The following RDX variants were observed in gnomAD, a reference collection of about 807,000 sequenced individuals.
The protein encoded by RDX is deafness, autosomal recessive 24.
In RDX, 32 loss-of-function variants were observed where a neutral mutation model predicts 83.7. The observed-to-expected ratio is 0.38, with a 90% CI of 0.29 to 0.51. The LOEUF (loss-of-function observed/expected upper bound fraction) is 0.51. Among genes scored for constraint, RDX ranks in the 20% least tolerant of loss-of-function variants. The pLI, the probability that RDX is intolerant of heterozygous loss-of-function variation, is 0.87. For missense variants in RDX, 600 were observed against 689.9 expected, an observed-to-expected ratio of 0.87 and a Z score of 1.46; for synonymous variants, 229 against 222.7, an observed-to-expected ratio of 1.03 and a Z score of -0.25.
At chr11:110,294,842 G>A (rs1420009396) in intron 1 of RDX, among the ~76,000 whole-genome samples, 5 of 152,174 alleles carry the variant, frequency 3.3e-5, no homozygotes, top group African/African-American at 4.8e-5. Flanking sequence ...ATACAGGAGT[G>A]AACAAAACAT....
Position 110,295,642 on chromosome 11 carries a change from G to GAAAAAA in RDX, c.-65+819_-65+824dup, listed in dbSNP as rs370760081. The stretch of plus-strand genomic sequence containing the variant: ...GGAAGTGATGTAGTCTGTTTAAACT[G>GAAAAAA]AAAAAAAAAAAAAAACAAAAATGCA... On this transcript the variant is annotated intron_variant, in intron 1 of 13. Coordinates refer to ENST00000645495, the MANE Select transcript of RDX (RefSeq NM_002906.4). Among the ~76,000 whole-genome samples the GAAAAAA allele has an allele frequency of 4.2e-3, 518 of 122,188 alleles. 6 individuals are homozygous for GAAAAAA. Among genetic ancestry groups the GAAAAAA allele is most frequent in the African/African-American group, 0.015 (473 of 31,718 alleles). The allele number at this position is 122,188 out of a possible 152,430, so 80.2% of individuals were successfully genotyped here.
intron 14 of RDX, among the ~76,000 whole-genome samples, chr11:110,203,540 T>G (rs986200597): frequency 2.0e-5 from 3 of 152,046 alleles, no homozygotes; most frequent in Admixed American, 2.0e-4. Context: ...TTAGATTATT[T>G]GTAACACAAA....
At chr11:110,279,551 A>G in intron 2 of RDX, 130 bp downstream of exon 2, 1 of 678,430 alleles carries the variant, frequency 1.5e-6, no homozygotes, top group East Asian at 2.6e-5. Context: ...CATTAATCTA[A>G]AGAGAAATAA....
At chr11:110,290,087 T>C (rs1861173846) in intron 1 of RDX, among the ~76,000 whole-genome samples, 1 of 151,474 alleles carries the variant, frequency 6.6e-6, no homozygotes. Flanking sequence ...ATTAAAAGAT[T>C]ATCAGTCAAT....
intron 14 of RDX, among the ~76,000 whole-genome samples, chr11:110,203,785 G>A (rs1474256747): frequency 5.9e-5 from 9 of 151,898 alleles, no homozygotes; most frequent in Non-Finnish European, 1.3e-4. Flanking sequence ...CAGAAATTGC[G>A]TTTAATAAAT....
chr11:110,295,815 G>A (rs1308936241), intron 1 of RDX, among the ~76,000 whole-genome samples: 2 of 152,244 alleles, frequency 1.3e-5, no homozygotes, highest in Non-Finnish European at 2.9e-5. Flanking sequence ...GGCTCCGAGA[G>A]CTGCAACAGC....
intron 15 of RDX, among the ~76,000 whole-genome samples, chr11:110,186,840 C>T (rs941364595): frequency 2.0e-5 from 3 of 152,218 alleles, no homozygotes; most frequent in Admixed American, 2.0e-4. Context: ...CAGGCTCATA[C>T]AAAGTCAGTC....
chr11:110,292,293 G>C, intron 1 of RDX, among the ~76,000 whole-genome samples: 1 of 147,340 alleles, frequency 6.8e-6, no homozygotes, highest in African/African-American at 2.6e-5. Context: ...ACCCTGTCTT[G>C]GAAAAAAAAA....
chr11:110,184,448 C>T (rs1862947052), intron 15 of RDX, among the ~76,000 whole-genome samples: 1 of 152,172 alleles, frequency 6.6e-6, no homozygotes, highest in Non-Finnish European at 1.5e-5. Flanking sequence ...GAACAAGATG[C>T]CCCCAAATGA....
chr11:110,237,909 C>T (rs1448646522), intron 10 of RDX: 27 of 481,898 alleles, frequency 5.6e-5, no homozygotes, highest in Non-Finnish European at 9.7e-5. Flanking sequence ...GTAGCTAGGA[C>T]TACAGGCGCT....
chr11:110,192,186 G>C (rs2134227556), intron 15 of RDX, among the ~76,000 whole-genome samples: 1 of 152,246 alleles, frequency 6.6e-6, no homozygotes, highest in Middle Eastern at 3.4e-3. Flanking sequence ...CATAGAAACA[G>C]ACACACAGAC....
At chr11:110,251,102 C>T (rs540425889) in intron 9 of RDX, among the ~76,000 whole-genome samples, 18 of 152,330 alleles carry the variant, frequency 1.2e-4, no homozygotes, top group African/African-American at 4.3e-4. Context: ...TTCAGTCCCA[C>T]TTTCCTCATG....
chr11:110,225,264 T>A (rs1294748993), downstream of RDX, among the ~76,000 whole-genome samples: 2 of 152,190 alleles, frequency 1.3e-5, no homozygotes, highest in African/African-American at 4.8e-5. Flanking sequence ...TAAAAACTTT[T>A]GTGCATCAAA....
At chr11:110,205,586 A>G (rs1863573711) in intron 14 of RDX, among the ~76,000 whole-genome samples, 2 of 152,026 alleles carry the variant, frequency 1.3e-5, no homozygotes, top group South Asian at 4.1e-4. Context: ...ACAATCTAAT[A>G]AAAAACAGGC....
chr11:110,223,168 T>C (rs181699855), intron 14 of RDX, among the ~76,000 whole-genome samples: 29 of 151,938 alleles, frequency 1.9e-4, no homozygotes, highest in African/African-American at 6.5e-4. Context: ...CTGGCCAGCA[T>C]GGTGAAACCC....
chr11:110,257,271 G>C (rs991674494), intron 7 of RDX, among the ~76,000 whole-genome samples: 1 of 151,628 alleles, frequency 6.6e-6, no homozygotes, highest in African/African-American at 2.4e-5. Context: ...GTGTAATACA[G>C]GGATATTCTA....
intron 1 of RDX, among the ~76,000 whole-genome samples, chr11:110,290,073 A>T (rs557282763): frequency 2.0e-5 from 3 of 152,004 alleles, no homozygotes; most frequent in African/African-American, 7.2e-5. Flanking sequence ...ACTCTGGTTA[A>T]CTTATTAAAA....
chr11:110,260,662 C>T lies in RDX; in HGVS notation c.468-2473G>A, dbSNP rs549519044. ...GTGGCCAGTGTCTCAGTACAGTTGT[C>T]CCTCCATATCCATAAAGGATTGCTT... On this transcript the variant is annotated intron_variant, in intron 5 of 13. Coordinates refer to ENST00000645495, the MANE Select transcript of RDX (RefSeq NM_002906.4). Among the ~76,000 whole-genome samples, 8 of 152,232 alleles carry T rather than the reference C, an allele frequency of 5.3e-5. No individual in the cohort carries two copies. The South Asian group carries it at 1.7e-3, about 32-fold the overall frequency.
At chr11:110,179,432 C>T (rs1862837811) in intron 15 of RDX, among the ~76,000 whole-genome samples, 1 of 152,224 alleles carries the variant, frequency 6.6e-6, no homozygotes. Flanking sequence ...CCCAGTTCCA[C>T]TTGTGCCCTC....
Sources: gnomAD v4.1 joint callset for allele counts (sites outside exome capture counted in the v4.1 genomes callset) on GRCh38, gnomAD v4.1.1 for gene constraint, MANE v1.5 for transcripts, NCBI Gene and HGNC (gene_info 2026-07-23, HGNC 2026-07-21) for gene names.